The following ABTB2 variants were observed in gnomAD, a reference collection of about 807,000 sequenced individuals.
ABTB2 encodes the protein ankyrin repeat and BTB/POZ domain-containing protein 2.
ABTB2 carries 56 observed loss-of-function variants against 104.1 expected under a neutral mutation model. The observed-to-expected ratio is 0.54, with a 90% CI of 0.43 to 0.67. ABTB2 has a LOEUF of 0.67. Ranked by LOEUF, ABTB2 falls within the 30% of genes least tolerant of loss-of-function variation. ABTB2 has a pLI of 0.00. For missense variants in ABTB2, 1,279 were observed against 1,407.7 expected, an observed-to-expected ratio of 0.91 and a Z score of 1.46; for synonymous variants, 606 against 608.2, an observed-to-expected ratio of 1.00 and a Z score of 0.05.
intron 1 of ABTB2, among the ~76,000 whole-genome samples, chr11:34,212,316 C>CA (rs779929889): frequency 9.9e-5 from 15 of 152,188 alleles, no homozygotes; most frequent in Non-Finnish European, 1.9e-4. Flanking sequence ...CTTGACCTCC[C>CA]AAAGTGCTGG....
rs369059827 is a variant in ABTB2 at position 34,167,831 on chromosome 11, G to A, written c.1653+72C>T. On this transcript the variant is annotated intron_variant, in intron 6 of 16. Transcript: ENST00000435224. ...AGTTGCCCAAAACATCACGCCCAGCGTGTTTGTTGGAGCCCTCGGAGTGAT... is the reference window on the plus strand; with the variant it reads ...AGTTGCCCAAAACATCACGCCCAGCATGTTTGTTGGAGCCCTCGGAGTGAT... 188 of 1,486,564 alleles carry A rather than the reference G, an allele frequency of 1.3e-4. No homozygotes were observed. The South Asian group carries it at 1.8e-3, about 14-fold the overall frequency. 92.1% of individuals were successfully genotyped at this position (1,486,564 alleles called of 1,614,324 possible).
intron 1 of ABTB2, among the ~76,000 whole-genome samples, chr11:34,319,877 A>G (rs759352822): frequency 1.3e-5 from 2 of 152,138 alleles, no homozygotes; most frequent in Non-Finnish European, 2.9e-5. Flanking sequence ...CATGTTGGCC[A>G]GGCTGGTCTC....
chr11:34,317,139 T>A (rs1263471125), intron 1 of ABTB2, among the ~76,000 whole-genome samples: 1 of 152,060 alleles, frequency 6.6e-6, no homozygotes, highest in Admixed American at 6.5e-5. Context: ...ATGCCATAGG[T>A]TTTTGGATGT....
intron 1 of ABTB2, among the ~76,000 whole-genome samples, chr11:34,261,189 C>T (rs1333266434): frequency 6.6e-6 from 1 of 152,028 alleles, no homozygotes; most frequent in African/African-American, 2.4e-5. Context: ...ATCACGCTCA[C>T]CTAGGTTTAA....
At chr11:34,288,657 C>T (rs1159517935) in intron 1 of ABTB2, among the ~76,000 whole-genome samples, 2 of 151,940 alleles carry the variant, frequency 1.3e-5, no homozygotes, top group African/African-American at 4.8e-5. Context: ...AGGGAGCTCA[C>T]AGGCCCACCG....
intron 1 of ABTB2, among the ~76,000 whole-genome samples, chr11:34,331,060 C>A (rs1855123955): frequency 6.6e-6 from 1 of 152,174 alleles, no homozygotes; most frequent in South Asian, 2.1e-4. Context: ...TATGTTCCAC[C>A]AGCACATCCC....
chr11:34,226,425 C>CAATG (rs924154652), intron 1 of ABTB2, among the ~76,000 whole-genome samples: 17 of 152,062 alleles, frequency 1.1e-4, no homozygotes, highest in African/African-American at 4.1e-4. Flanking sequence ...CCTTAAGGAG[C>CAATG]AATGAACAAG....
At chr11:34,254,697 A>G (rs1331018612) in intron 1 of ABTB2, among the ~76,000 whole-genome samples, 1 of 140,792 alleles carries the variant, frequency 7.1e-6, no homozygotes, top group Non-Finnish European at 1.5e-5. Flanking sequence ...TTTGAGACAG[A>G]GTCTTGCTCT....
At chr11:34,200,917 T>C (rs1158928655) in intron 2 of ABTB2, among the ~76,000 whole-genome samples, 1 of 152,178 alleles carries the variant, frequency 6.6e-6, no homozygotes, top group Admixed American at 6.5e-5. Context: ...ATTTCAGAAG[T>C]GAAGAGTGAA....
At chr11:34,264,435 C>A (rs1854223799) in intron 1 of ABTB2, among the ~76,000 whole-genome samples, 1 of 152,202 alleles carries the variant, frequency 6.6e-6, no homozygotes, top group East Asian at 1.9e-4. Context: ...CAGACCAATG[C>A]CTTTGGAAAT....
intron 1 of ABTB2, among the ~76,000 whole-genome samples, chr11:34,238,793 G>T (rs904968331): frequency 1.3e-5 from 2 of 151,866 alleles, no homozygotes; most frequent in Admixed American, 6.6e-5. Context: ...TCACTCTGTC[G>T]CCGAGGCTGG....
intron 3 of ABTB2, among the ~76,000 whole-genome samples, chr11:34,177,655 CTT>C (rs916655032): frequency 1.3e-5 from 2 of 152,020 alleles, no homozygotes; most frequent in African/African-American, 4.8e-5. Context: ...ATAGCAAAGT[CTT>C]TTTTTCTTTT....
chr11:34,266,402 A>G (rs1484214787), intron 1 of ABTB2, among the ~76,000 whole-genome samples: 1 of 152,286 alleles, frequency 6.6e-6, no homozygotes, highest in East Asian at 1.9e-4. Context: ...ATATGACTCT[A>G]AAGAAGTCAC....
intron 1 of ABTB2, among the ~76,000 whole-genome samples, chr11:34,288,148 C>A (rs143357283): frequency 1.6e-4 from 25 of 152,248 alleles, no homozygotes; most frequent in African/African-American, 6.0e-4. Context: ...AAATTTCAGA[C>A]ATATAGGAAA....
At chr11:34,269,430 A>C (rs1274082111) in intron 1 of ABTB2, among the ~76,000 whole-genome samples, 2 of 152,194 alleles carry the variant, frequency 1.3e-5, no homozygotes, top group Non-Finnish European at 2.9e-5. Context: ...AACAAAGGAA[A>C]AGAAGGGAGG....
At chr11:34,173,373 C>A in intron 3 of ABTB2, 66 bp from the exon 4 acceptor site, 1 of 1,495,410 alleles carries the variant, frequency 6.7e-7, no homozygotes, top group Non-Finnish European at 9.0e-7. Flanking sequence ...GAGAGAGGGT[C>A]AGGCCTGGGA....
intron 1 of ABTB2, among the ~76,000 whole-genome samples, chr11:34,286,135 C>T (rs959041307): frequency 6.6e-6 from 1 of 150,830 alleles, no homozygotes; most frequent in African/African-American, 2.5e-5. Context: ...CATAGAAAGA[C>T]CCTGTCTCAA....
chr11:34,260,674 G>GTTTTCTTAAAGC (rs1565153483), intron 1 of ABTB2, among the ~76,000 whole-genome samples: 1 of 152,192 alleles, frequency 6.6e-6, no homozygotes, highest in Non-Finnish European at 1.5e-5. Flanking sequence ...TATCTCACAG[G>GTTTTCTTAAAGC]TTTTCTTAAA....
At chr11:34,332,780 T>C (rs1204708205) in intron 1 of ABTB2, among the ~76,000 whole-genome samples, 1 of 151,764 alleles carries the variant, frequency 6.6e-6, no homozygotes, top group Non-Finnish European at 1.5e-5. Flanking sequence ...CCTGCCCATT[T>C]CCTCTGCCTT....
Sources: allele counts gnomAD v4.1 joint callset (sites outside exome capture counted in the v4.1 genomes callset), GRCh38; gene constraint gnomAD v4.1.1; transcripts MANE v1.5; gene names NCBI Gene and HGNC (gene_info 2026-07-23, HGNC 2026-07-21).